SERPINB12: variants seen among roughly 807,000 people sequenced by gnomAD.
SERPINB12 encodes the protein serpin B12.
A neutral mutation model predicts 41.1 loss-of-function variants in SERPINB12; 57 were observed. The observed-to-expected ratio is 1.39, with a 90% CI of 1.12 to 1.73. The LOEUF is 1.73. SERPINB12 is among the 40% of genes most tolerant of loss of function. The probability of loss-of-function intolerance (pLI) is 0.00; values close to 1 mark genes in which losing one functional copy is unlikely to be tolerated. For missense variants in SERPINB12, 536 were observed against 501.9 expected, an observed-to-expected ratio of 1.07 and a Z score of -0.65; for synonymous variants, 180 against 181.3, an observed-to-expected ratio of 0.99 and a Z score of 0.06.
the SERPINB12 span, among the ~76,000 whole-genome samples, chr18:63,519,165 G>A: frequency 2.0e-5 from 3 of 152,112 alleles, no homozygotes; most frequent in South Asian, 2.1e-4. Flanking sequence ...ACTTCTACCC[G>A]TATGAGCATC....
rs748631331 is a variant in SERPINB12, at chr18:63,565,440, T to C, written c.706-5T>C. The C allele has an allele frequency of 1.2e-6, 2 of 1,612,184 alleles. No individual in the cohort carries two copies. The highest frequency in any genetic ancestry group is 1.1e-5 in the South Asian group (1 of 90,588). ...TCCTGTGACCTCCTACCTTGACTAC[T>C]ACAGAATGAAAACAAGAGTGTGAAG... is the stretch of plus-strand genomic sequence containing the variant. On this transcript the variant is annotated splice_region_variant and splice_polypyrimidine_tract_variant and intron_variant, in intron 6 of 7. Coordinates refer to ENST00000382768, the MANE Select transcript of SERPINB12 (RefSeq NM_001307928.2).
intron 2 of SERPINB12, among the ~76,000 whole-genome samples, chr18:63,556,834 T>C (rs1428666082): frequency 6.6e-6 from 1 of 152,250 alleles, no homozygotes; most frequent in Non-Finnish European, 1.5e-5. Context: ...AAGATATCCA[T>C]AATCCAGGCA....
At chr18:63,526,420 A>C in the SERPINB12 span, among the ~76,000 whole-genome samples, 1 of 152,158 alleles carries the variant, frequency 6.6e-6, no homozygotes, top group Admixed American at 6.6e-5. Flanking sequence ...TGATCCTCCC[A>C]CCTCAGCATC....
rs1177792519 is a variant in SERPINB12 at position 63,569,274 on chromosome 18, T to C, written c.*2263T>C. 1.3e-5 allele frequency among the ~76,000 whole-genome samples: 2 copies of C among 152,240 alleles called. No individual in the cohort carries two copies. Among genetic ancestry groups the C allele is most frequent in the Non-Finnish European group, 2.9e-5 (2 of 68,038 alleles). ...TAAACATTCTTTACTAACCTTTGAT[T>C]TATTAAGAAGTTTCTTCTGAATGAA... On this transcript the variant is annotated 3_prime_UTR_variant, in exon 8 of 8. Coordinates refer to ENST00000382768, the MANE Select transcript of SERPINB12 (RefSeq NM_001307928.2).
intron 1 of SERPINB12, among the ~76,000 whole-genome samples, chr18:63,544,957 A>G (rs1005356872): frequency 2.6e-5 from 4 of 152,188 alleles, no homozygotes; most frequent in Non-Finnish European, 5.9e-5. Context: ...CCCCTTTGTA[A>G]TATTTCAAAA....
In SERPINB12 at chr18:63,568,448, T is replaced by G. The variant is rs989434055; in HGVS notation, c.*1437T>G. 6.6e-6 allele frequency among the ~76,000 whole-genome samples: 1 copy of G among 152,086 alleles called. No homozygotes were observed. The highest frequency in any genetic ancestry group is 2.4e-5 in the African/African-American group (1 of 41,428). ...CTGAAACCCTTGTCAAGAAGGCCAT[T>G]GGGCTCATCTCAAGCTCTAGTCTAC... On this transcript the variant is annotated 3_prime_UTR_variant, in exon 8 of 8. Coordinates refer to ENST00000382768, the MANE Select transcript of SERPINB12 (RefSeq NM_001307928.2).
At chr18:63,540,591 A>T (rs1293916898), upstream of SERPINB12, among the ~76,000 whole-genome samples, 1 of 152,140 alleles carries the variant, frequency 6.6e-6, no homozygotes, top group Non-Finnish European at 1.5e-5. Flanking sequence ...GTTAAATCCC[A>T]CTGCTGGTGG....
At chr18:63,558,907 C>G (rs963711670) in intron 3 of SERPINB12, among the ~76,000 whole-genome samples, 9 of 152,074 alleles carry the variant, frequency 5.9e-5, no homozygotes, top group African/African-American at 2.2e-4. Context: ...TGCCTCATGC[C>G]AGGAGGAGGA....
the SERPINB12 span, among the ~76,000 whole-genome samples, chr18:63,530,558 C>T: frequency 1.3e-5 from 2 of 152,274 alleles, no homozygotes; most frequent in Admixed American, 6.5e-5. Flanking sequence ...TCAATCAAAA[C>T]AATAGATGAA....
chr18:63,539,774 A>G (rs1910239295), upstream of SERPINB12, among the ~76,000 whole-genome samples: 1 of 152,136 alleles, frequency 6.6e-6, no homozygotes, highest in Admixed American at 6.6e-5. Context: ...GATAGAAGGG[A>G]GAACCAGCTG....
chr18:63,534,920 C>T, the SERPINB12 span, among the ~76,000 whole-genome samples: 12 of 152,176 alleles, frequency 7.9e-5, no homozygotes, highest in Admixed American at 5.9e-4. Context: ...ACCACAGGCA[C>T]GTATGCATGT....
chr18:63,534,582 T>C, the SERPINB12 span, among the ~76,000 whole-genome samples: 6 of 152,196 alleles, frequency 3.9e-5, no homozygotes, highest in Non-Finnish European at 8.8e-5. Context: ...TAGTGGAACG[T>C]GGAAATAACC....
rs1911017972 is a variant in SERPINB12 at position 63,564,192 on chromosome 18, T to C, written c.705+72T>C. On this transcript the variant is annotated intron_variant, in intron 6 of 7. Transcript: ENST00000382768. ...TCCACTAGGAATGATTTACAATATG[T>C]ATACTCGAAAAGTTACAGCTTACAT... is the stretch of plus-strand genomic sequence containing the variant. The C allele has an allele frequency of 1.2e-5, 18 of 1,457,238 alleles. No homozygotes were observed. The South Asian group carries it at 2.3e-4, about 18-fold the overall frequency. 90.3% of individuals were successfully genotyped at this position (1,457,238 alleles called of 1,614,324 possible).
At chr18:63,537,598 T>A (rs1037459178), upstream of SERPINB12, among the ~76,000 whole-genome samples, 1 of 152,148 alleles carries the variant, frequency 6.6e-6, no homozygotes, top group Non-Finnish European at 1.5e-5. Flanking sequence ...TCATGCCCAA[T>A]AAATTGTTAT....
In SERPINB12 at chr18:63,552,226, C is replaced by G. The variant is rs73961718; in HGVS notation, c.-18-3916C>G. On this transcript the variant is annotated intron_variant, in intron 1 of 7. Transcript: ENST00000382768. Reference sequence around the variant, plus strand: ...GTTTCCTGAAGAAGTAATTCAGATACGACAAATGTAAGTTTCAAGCTTTAA... The same window carrying G: ...GTTTCCTGAAGAAGTAATTCAGATAGGACAAATGTAAGTTTCAAGCTTTAA... Among the ~76,000 whole-genome samples, 8 of 152,106 alleles carry G rather than the reference C, an allele frequency of 5.3e-5. No homozygotes were observed. The East Asian group carries it at 1.5e-3, about 29-fold the overall frequency.
upstream of SERPINB12, among the ~76,000 whole-genome samples, chr18:63,541,688 G>T (rs181174686): frequency 2.6e-5 from 4 of 152,242 alleles, no homozygotes; most frequent in Non-Finnish European, 5.9e-5. Flanking sequence ...GGGAGAAAGA[G>T]ACAAGGAAAT....
chr18:63,560,182 G>C (rs1261493047), intron 4 of SERPINB12, among the ~76,000 whole-genome samples: 1 of 152,148 alleles, frequency 6.6e-6, no homozygotes, highest in Admixed American at 6.5e-5. Flanking sequence ...GGTAGCAGGA[G>C]GAGACTGCGT....
chr18:63,523,635 C>T, the SERPINB12 span, among the ~76,000 whole-genome samples: 12 of 152,158 alleles, frequency 7.9e-5, no homozygotes, highest in African/African-American at 2.9e-4. Context: ...GATGCAAGCA[C>T]AATTCGGACA....
intron 1 of SERPINB12, among the ~76,000 whole-genome samples, chr18:63,554,233 T>G (rs150770882): frequency 2.5e-4 from 38 of 152,326 alleles, no homozygotes; most frequent in African/African-American, 9.1e-4. Flanking sequence ...GAAAGATTAC[T>G]TAGTTTGGGG....
Sources: allele counts gnomAD v4.1 joint callset (sites outside exome capture counted in the v4.1 genomes callset), GRCh38; gene constraint gnomAD v4.1.1; transcripts MANE v1.5; gene names NCBI Gene and HGNC (gene_info 2026-07-23, HGNC 2026-07-21).